The following SLC25A48 variants were observed in gnomAD, a reference collection of about 807,000 sequenced individuals.
SLC25A48 encodes the protein CTC-321K16.1.
In SLC25A48, 29 loss-of-function variants were observed where a neutral mutation model predicts 32.2. The observed-to-expected ratio is 0.90, with a 90% CI of 0.67 to 1.23. SLC25A48 has a LOEUF of 1.23. Among genes scored for constraint, SLC25A48 ranks in the 50% most tolerant of loss-of-function variants. The pLI, the probability that SLC25A48 is intolerant of heterozygous loss-of-function variation, is 0.00. For synonymous variants in SLC25A48, 164 were observed against 172.3 expected (o/e 0.95, Z 0.38); for missense variants, 399 against 422.7 (o/e 0.94, Z 0.49).
intron 3 of SLC25A48, among the ~76,000 whole-genome samples, chr5:135,700,711 C>G (rs1440813773): frequency 6.6e-6 from 1 of 152,344 alleles, no homozygotes; most frequent in African/African-American, 2.4e-5. Context: ...TTCATAGGCA[C>G]CCTGTCTGAG....
At chr5:135,867,565 G>A (rs921679366) in intron 4 of SLC25A48, among the ~76,000 whole-genome samples, 11 of 152,102 alleles carry the variant, frequency 7.2e-5, no homozygotes, top group African/African-American at 2.2e-4. Flanking sequence ...GGCCACTGGC[G>A]GAGATTTCTG....
intron 3 of SLC25A48, among the ~76,000 whole-genome samples, chr5:135,744,278 T>C (rs189567828): frequency 3.5e-4 from 54 of 152,288 alleles, no homozygotes; most frequent in Non-Finnish European, 6.8e-4. Flanking sequence ...CCTCAAGCTC[T>C]GGCTCAATAA....
intron 2 of SLC25A48, among the ~76,000 whole-genome samples, chr5:135,846,354 A>C (rs961318590): frequency 6.6e-6 from 1 of 152,286 alleles, no homozygotes; most frequent in South Asian, 2.1e-4. Context: ...CCTCCTTCTC[A>C]TGAACATCCC....
At chr5:135,851,487 A>G (rs1387153221) in intron 3 of SLC25A48, among the ~76,000 whole-genome samples, 1 of 152,202 alleles carries the variant, frequency 6.6e-6, no homozygotes, top group African/African-American at 2.4e-5. Flanking sequence ...TTTCTCTGAG[A>G]CATAGCAGCC....
chr5:135,809,890 T>C (rs1031955880), intron 3 of SLC25A48, among the ~76,000 whole-genome samples: 1 of 152,152 alleles, frequency 6.6e-6, no homozygotes, highest in Non-Finnish European at 1.5e-5. Context: ...AGGGTGGAGT[T>C]GCAGTGGTAC....
intron 3 of SLC25A48, among the ~76,000 whole-genome samples, chr5:135,763,569 C>G (rs545226794): frequency 3.3e-5 from 5 of 151,964 alleles, no homozygotes; most frequent in South Asian, 2.1e-4. Context: ...GGGAATCCCT[C>G]GAGGAGGGGA....
intron 3 of SLC25A48, among the ~76,000 whole-genome samples, chr5:135,801,505 ATGT>A (rs1430290211): frequency 3.3e-5 from 5 of 150,632 alleles, no homozygotes; most frequent in African/African-American, 1.2e-4. Context: ...ACCCCCTGTG[ATGT>A]TGTTAATAAT....
At chr5:135,617,070 A>G (rs1463347373) in intron 1 of SLC25A48, among the ~76,000 whole-genome samples, 1 of 152,092 alleles carries the variant, frequency 6.6e-6, no homozygotes, top group East Asian at 1.9e-4. Flanking sequence ...GAATTAATCA[A>G]TAAAGGCATC....
intron 3 of SLC25A48, among the ~76,000 whole-genome samples, chr5:135,734,297 G>A (rs968060784): frequency 1.3e-5 from 2 of 152,028 alleles, no homozygotes; most frequent in Admixed American, 6.5e-5. Context: ...CTCTAGCCTA[G>A]GAATAGTCAG....
At chr5:135,714,210 C>T (rs930720472) in intron 3 of SLC25A48, among the ~76,000 whole-genome samples, 11 of 152,114 alleles carry the variant, frequency 7.2e-5, no homozygotes, top group East Asian at 1.9e-4. Flanking sequence ...GGGAGGCCAA[C>T]GGATGGGCAG....
At chr5:135,762,657 A>G (rs1199636431) in intron 3 of SLC25A48, among the ~76,000 whole-genome samples, 1 of 152,042 alleles carries the variant, frequency 6.6e-6, no homozygotes, top group African/African-American at 2.4e-5. Flanking sequence ...TGGGAGTGTG[A>G]ATGTGAGTGC....
At chr5:135,876,403 A>C (rs1218524639) in intron 6 of SLC25A48, 1 of 152,160 alleles carries the variant, frequency 6.6e-6, no homozygotes, top group African/African-American at 2.4e-5. Flanking sequence ...TTGGTTTCTT[A>C]ATCTCGATAG....
At chr5:135,774,311 C>T (rs4593262) in intron 3 of SLC25A48, among the ~76,000 whole-genome samples, 45,945 of 151,484 alleles carry the variant, frequency 0.3, 7,118 homozygotes, top group East Asian at 0.46. Context: ...TTCCTAATAT[C>T]CAGGATGAAA....
chr5:135,881,418 A>C (rs1762465100), intron 7 of SLC25A48, among the ~76,000 whole-genome samples: 1 of 152,252 alleles, frequency 6.6e-6, no homozygotes, highest in African/African-American at 2.4e-5. Context: ...GACTGTAGTC[A>C]GCCCAGGACA....
chr5:135,813,861 T>C (rs1757648611), intron 4 of SLC25A48, among the ~76,000 whole-genome samples: 1 of 152,134 alleles, frequency 6.6e-6, no homozygotes, highest in Non-Finnish European at 1.5e-5. Context: ...ACAAAGGCAC[T>C]TGATGTGCCC....
At chr5:135,664,063 GT>G (rs1266583368) in intron 3 of SLC25A48, among the ~76,000 whole-genome samples, 1 of 152,142 alleles carries the variant, frequency 6.6e-6, no homozygotes. Flanking sequence ...CTCCCTCTCT[GT>G]TGCTAGGAAT....
At chr5:135,657,458 A>G (rs1213747863) in intron 3 of SLC25A48, among the ~76,000 whole-genome samples, 2 of 152,266 alleles carry the variant, frequency 1.3e-5, no homozygotes, top group South Asian at 2.1e-4. Flanking sequence ...TAACCACGAC[A>G]TGAGCTATGG....
chr5:135,637,353 C>T (rs1752728822), intron 3 of SLC25A48, among the ~76,000 whole-genome samples: 1 of 152,136 alleles, frequency 6.6e-6, no homozygotes. Flanking sequence ...TCTCTCTCCT[C>T]TTCTTCCCCC....
Position 135,852,770 on chromosome 5 carries a change from GT to G in SLC25A48, c.371del (p.Val124GlyfsTer22). ...GGTCTCTGTCGGGCTGGGAGGGCCC[GT>G]GGACCTCATCAAGATCCGGTTGCAG... Reference protein sequence around the residue: ...GVVSVGLGGPVDLIKIRLQMQ... With the variant: ...GVVSVGLGGPXDLIKIRLQMQ... On this transcript the variant is annotated frameshift_variant, in exon 4 of 8. Transcript: ENST00000681962. LOFTEE classifies it high-confidence loss of function. 6.2e-7 allele frequency: 1 copy of G among 1,613,802 alleles called. No homozygotes were observed.
Sources: gnomAD v4.1 joint callset for allele counts (sites outside exome capture counted in the v4.1 genomes callset) on GRCh38, gnomAD v4.1.1 for gene constraint, MANE v1.5 for transcripts, NCBI Gene and HGNC (gene_info 2026-07-23, HGNC 2026-07-21) for gene names.